The following CDKL2 variants were observed in gnomAD, a reference collection of about 807,000 sequenced individuals.
The protein encoded by CDKL2 is cyclin-dependent kinase-like 2.
A neutral mutation model predicts 63.9 loss-of-function variants in CDKL2; 64 were observed. The observed-to-expected ratio is 1.00, with a 90% CI of 0.82 to 1.23. CDKL2 has a LOEUF of 1.23. Ranked by LOEUF, CDKL2 falls within the 50% of genes most tolerant of loss-of-function variation. The pLI, the probability that CDKL2 is intolerant of heterozygous loss-of-function variation, is 0.00. For missense variants in CDKL2, 656 were observed against 668.0 expected (o/e 0.98, Z 0.20); for synonymous variants, 211 against 229.2 (o/e 0.92, Z 0.72).
intron 10 of CDKL2, among the ~76,000 whole-genome samples, chr4:75,595,745 G>C (rs921469968): frequency 6.6e-5 from 10 of 151,914 alleles, no homozygotes; most frequent in African/African-American, 2.4e-4. Context: ...GCCTGGCCAA[G>C]ATGGTGAAAC....
In CDKL2 at chr4:75,596,963, T is replaced by G. The variant is rs372242420; in HGVS notation, c.1294A>C (p.Thr432Pro). Residue 432 changes from threonine (T) to proline (P), a missense_variant, in exon 9 of 14, where the codon ACT (threonine) becomes CCT (proline). Coordinates refer to ENST00000307465, the MANE Select transcript of CDKL2 (RefSeq NM_001330724.2). ...VAPSINSGMG[T>P]ETIPIQGYRV... ...TAACCCTGAATTGGTATAGTCTCAGTCCCCATTCCAGAATTAATGCTGGGA... is the reference window on the plus strand; with the variant it reads ...TAACCCTGAATTGGTATAGTCTCAGGCCCCATTCCAGAATTAATGCTGGGA... 3.1e-5 allele frequency: 50 copies of G among 1,614,002 alleles called. No homozygotes were observed. The highest frequency in any genetic ancestry group is 4.1e-5 in the Non-Finnish European group (48 of 1,179,954).
intron 2 of CDKL2, among the ~76,000 whole-genome samples, chr4:75,617,160 C>G (rs960480900): frequency 1.3e-5 from 2 of 152,026 alleles, no homozygotes; most frequent in Admixed American, 6.6e-5. Context: ...ACCTATGTAA[C>G]AAACCTGTAC....
At chr4:75,615,967 T>A (rs1244227702) in intron 2 of CDKL2, among the ~76,000 whole-genome samples, 1 of 152,158 alleles carries the variant, frequency 6.6e-6, no homozygotes, top group East Asian at 1.9e-4. Flanking sequence ...GCCACTGCAC[T>A]TCAGCTCGAG....
At position 75,605,581 on chromosome 4, in the gene CDKL2, T is replaced by C; in HGVS notation, c.596A>G (p.Glu199Gly). The C allele has an allele frequency of 6.2e-7, 1 of 1,613,338 alleles. No individual in the cohort carries two copies. The highest frequency in any genetic ancestry group is 8.5e-7 in the Non-Finnish European group (1 of 1,179,322). The change falls in exon 5 of 14, where the codon GAA becomes GGA. Residue 199 changes from glutamate to glycine, a missense_variant. By Grantham distance (98) the Glu-to-Gly change is moderately conservative (BLOSUM62 -2). Transcript: ENST00000307465. ...ATCAGAATCTCCAGGAAATAGGGGT[T>C]CCCCCATGAACATTTCAGTTACCAG... ...GCLVTEMFMGEPLFPGDSDID... is the reference protein window; with the variant it reads ...GCLVTEMFMGGPLFPGDSDID...
chr4:75,577,098 A>G lies in CDKL2; in HGVS notation c.*2104T>C, dbSNP rs565337277. Among the ~76,000 whole-genome samples the G allele has an allele frequency of 6.6e-6, 1 of 152,308 alleles. No individual in the cohort carries two copies. Among genetic ancestry groups the G allele is most frequent in the South Asian group, 2.1e-4 (1 of 4,826 alleles). On this transcript the variant is annotated 3_prime_UTR_variant, in exon 14 of 14. Transcript: ENST00000307465. ...CTTAATTAAATAAATCTAAATTTAA[A>G]CCATCTATGGAGCCCAGTAAGATAA...
intron 1 of CDKL2, among the ~76,000 whole-genome samples, chr4:75,628,680 C>T (rs144098022): frequency 3.9e-5 from 6 of 152,182 alleles, no homozygotes; most frequent in African/African-American, 9.6e-5. Context: ...TGTATACTTA[C>T]GGCAATCTAA....
chr4:75,590,330 C>T (rs376110332), intron 12 of CDKL2, among the ~76,000 whole-genome samples: 10 of 152,200 alleles, frequency 6.6e-5, no homozygotes, highest in African/African-American at 1.7e-4. Context: ...AAAGCAATCA[C>T]GGCAATAAAC....
At chr4:75,609,281 A>G (rs547173979) in intron 3 of CDKL2, among the ~76,000 whole-genome samples, 1 of 152,262 alleles carries the variant, frequency 6.6e-6, no homozygotes, top group Middle Eastern at 3.4e-3. Context: ...AGACTTTGTA[A>G]GAATAAAACA....
At chr4:75,601,476 C>T (rs763191347) in intron 6 of CDKL2, among the ~76,000 whole-genome samples, 65 of 151,968 alleles carry the variant, frequency 4.3e-4, no homozygotes, top group Non-Finnish European at 1.3e-4. Context: ...TAAAATAATA[C>T]ATCTGGGATT....
At chr4:75,628,602 T>TA (rs1319394114) in intron 1 of CDKL2, among the ~76,000 whole-genome samples, 1 of 152,118 alleles carries the variant, frequency 6.6e-6, no homozygotes, top group Non-Finnish European at 1.5e-5. Context: ...TAATAATAGA[T>TA]AAAAAATTAT....
chr4:75,626,271 T>A (rs1730402672), intron 1 of CDKL2, among the ~76,000 whole-genome samples: 2 of 152,250 alleles, frequency 1.3e-5, no homozygotes, highest in African/African-American at 4.8e-5. Flanking sequence ...AGCCATTAAC[T>A]TTAAATTACT....
chr4:75,589,973 C>T (rs1248608953), intron 12 of CDKL2, among the ~76,000 whole-genome samples: 3 of 150,978 alleles, frequency 2.0e-5, no homozygotes, highest in African/African-American at 7.3e-5. Flanking sequence ...CAGAGCAAGA[C>T]CATGTGTCCA....
chr4:75,597,307 G>C, intron 8 of CDKL2, 71 bp from the exon 9 acceptor site: 7 of 963,810 alleles, frequency 7.3e-6, no homozygotes, highest in Non-Finnish European at 1.1e-5. Context: ...TTCTTATAAA[G>C]TACTTGTCAA....
chr4:75,590,773 C>T (rs987826278), intron 12 of CDKL2, among the ~76,000 whole-genome samples: 2 of 152,072 alleles, frequency 1.3e-5, no homozygotes, highest in African/African-American at 4.8e-5. Flanking sequence ...GGATAAAGAA[C>T]AACATACAGG....
intron 4 of CDKL2, 65 bp from the exon 5 acceptor site, chr4:75,605,699 T>C: frequency 2.0e-6 from 2 of 991,394 alleles, no homozygotes; most frequent in Non-Finnish European, 3.2e-6. Flanking sequence ...CAAAGCTTTT[T>C]GAGCACTGAG....
intron 2 of CDKL2, among the ~76,000 whole-genome samples, chr4:75,615,073 T>C (rs1023501499): frequency 6.6e-6 from 1 of 151,558 alleles, no homozygotes. Flanking sequence ...CAGAAACACA[T>C]TTGCTGGAAA....
intron 10 of CDKL2, 119 bp downstream of exon 10, chr4:75,596,128 G>T (rs1578324740): frequency 1.6e-6 from 1 of 618,578 alleles, no homozygotes; most frequent in East Asian, 2.8e-5. Flanking sequence ...GCACAATTAA[G>T]GTTTCACTTT....
At chr4:75,589,395 C>G (rs1482206193) in intron 12 of CDKL2, among the ~76,000 whole-genome samples, 1 of 149,136 alleles carries the variant, frequency 6.7e-6, no homozygotes, top group Non-Finnish European at 1.5e-5. Context: ...AGCTCCGCCT[C>G]CCGGGTTCAC....
intron 4 of CDKL2, 126 bp from the exon 5 acceptor site, chr4:75,605,760 A>C (rs759136646): frequency 8.0e-6 from 5 of 626,198 alleles, no homozygotes; most frequent in Non-Finnish European, 1.4e-5. Context: ...TCAGATTCTC[A>C]GATTTGGCAT....
Sources: allele counts gnomAD v4.1 joint callset (sites outside exome capture counted in the v4.1 genomes callset), GRCh38; gene constraint gnomAD v4.1.1; transcripts MANE v1.5; gene names NCBI Gene and HGNC (gene_info 2026-07-23, HGNC 2026-07-21).